CCDC63: variants seen among roughly 807,000 people sequenced by gnomAD.
CCDC63 encodes the protein coiled-coil domain-containing protein 63.
In CCDC63, 54 loss-of-function variants were observed where a neutral mutation model predicts 63.6. The ratio of observed to expected loss-of-function variants is 0.85; its 90% CI spans 0.68 to 1.07. The LOEUF is 1.07. Ranked by LOEUF, CCDC63 falls within the 50% of genes least tolerant of loss-of-function variation. CCDC63 has a pLI of 0.00. For synonymous variants in CCDC63, 253 were observed against 266.1 expected (o/e 0.95, Z 0.48); for missense variants, 637 against 689.6 (o/e 0.92, Z 0.86).
intron 4 of CCDC63, among the ~76,000 whole-genome samples, chr12:110,862,895 A>G (rs1446099931): frequency 6.6e-6 from 1 of 151,896 alleles, no homozygotes; most frequent in East Asian, 1.9e-4. Context: ...AGCTAAGATT[A>G]CAGGCACCCG....
intron 9 of CCDC63, among the ~76,000 whole-genome samples, chr12:110,897,769 G>A (rs1164777991): frequency 2.3e-5 from 3 of 130,450 alleles, no homozygotes; most frequent in African/African-American, 3.0e-5. Context: ...GTCTCGCTCT[G>A]TCACCCAGGC....
Position 110,899,041 on chromosome 12 carries a change from A to C in CCDC63, c.1258A>C (p.Lys420Gln). ...LKNSVEKLFK[K>Q]INCDATKILV... is the part of the protein sequence containing the mutation. ...GAACTCAGTGGAGAAACTGTTCAAG[A>C]AGATAAACTGTGACGCCACCAAGAT... Residue 420 changes from lysine to glutamine, a missense_variant, in exon 10 of 12, where the codon AAG (lysine) becomes CAG (glutamine). Lys to Gln is a moderately conservative substitution (Grantham distance 53). Coordinates refer to ENST00000308208, the MANE Select transcript of CCDC63 (RefSeq NM_152591.3). The C allele has an allele frequency of 3.1e-6, 5 of 1,613,976 alleles. No homozygotes were observed. The South Asian group carries it at 5.5e-5, about 18-fold the overall frequency.
intron 3 of CCDC63, 90 bp downstream of exon 3, chr12:110,853,664 T>G: frequency 6.8e-7 from 1 of 1,471,934 alleles, no homozygotes; most frequent in Middle Eastern, 1.7e-4. Context: ...CTGTGACCCC[T>G]GGGGCAGGGA....
chr12:110,867,610 TG>T (rs2070984873), intron 4 of CCDC63, among the ~76,000 whole-genome samples: 1 of 115,600 alleles, frequency 8.7e-6, no homozygotes, highest in Admixed American at 8.0e-5. Flanking sequence ...ACGGGGCGGC[TG>T]GCCGGGCAGA....
At chr12:110,871,550 CCCTT>C (rs1175444203) in intron 4 of CCDC63, among the ~76,000 whole-genome samples, 73 of 150,334 alleles carry the variant, frequency 4.9e-4, no homozygotes, top group Admixed American at 1.6e-3. Context: ...CTCCCTCCCT[CCCTT>C]CCTTCCTTCC....
In CCDC63 at chr12:110,873,869, A is replaced by C. The variant is rs2071097068; in HGVS notation, c.397A>C (p.Asn133His). The part of the protein sequence containing the change: ...KILQMEKKIA[N>H]QKQIFAKMQE... ...TCTTCAGATGGAAAAAAAAATCGCAAACCAAAAACAGATTTTCGCAAAAAT... is the reference window on the plus strand; with the variant it reads ...TCTTCAGATGGAAAAAAAAATCGCACACCAAAAACAGATTTTCGCAAAAAT... The change falls in exon 5 of 12, where the codon AAC (asparagine) becomes CAC (histidine). Residue 133 changes from asparagine to histidine, a missense_variant. By Grantham distance (68) the Asn-to-His change is moderately conservative (BLOSUM62 1). Transcript: ENST00000308208. 6.2e-7 allele frequency: 1 copy of C among 1,612,938 alleles called. No homozygotes were observed. Among genetic ancestry groups the C allele is most frequent in the Non-Finnish European group, 8.5e-7 (1 of 1,179,806 alleles).
upstream of CCDC63, chr12:110,846,744 T>C (rs566846632): frequency 7.2e-5 from 11 of 152,272 alleles, no homozygotes; most frequent in African/African-American, 2.6e-4. Context: ...CTAAGACTGT[T>C]GATTGACTCA....
At chr12:110,857,928 G>A (rs1008791504) in intron 3 of CCDC63, among the ~76,000 whole-genome samples, 11 of 151,954 alleles carry the variant, frequency 7.2e-5, no homozygotes, top group African/African-American at 2.2e-4. Context: ...CCAACATGGC[G>A]AAACCCGTCT....
chr12:110,866,196 T>G (rs1449460269), intron 4 of CCDC63, among the ~76,000 whole-genome samples: 1 of 152,170 alleles, frequency 6.6e-6, no homozygotes, highest in African/African-American at 2.4e-5. Context: ...CAGGCTTGTC[T>G]TGAACGTCTG....
intron 11 of CCDC63, among the ~76,000 whole-genome samples, chr12:110,906,035 T>C (rs1226887911): frequency 1.3e-4 from 4 of 31,684 alleles, no homozygotes; most frequent in African/African-American, 4.9e-4. Flanking sequence ...TATATTATAA[T>C]AATATAATAT....
At chr12:110,886,833 C>A (rs1249272177) in intron 8 of CCDC63, among the ~76,000 whole-genome samples, 2 of 152,166 alleles carry the variant, frequency 1.3e-5, no homozygotes, top group African/African-American at 4.8e-5. Flanking sequence ...CTCTGTCCCC[C>A]TCCCGGAAGG....
chr12:110,869,790 A>G (rs185900082), intron 4 of CCDC63, among the ~76,000 whole-genome samples: 60 of 152,312 alleles, frequency 3.9e-4, no homozygotes, highest in Middle Eastern at 3.4e-3. Flanking sequence ...GTCAGAGTCA[A>G]TTATCCTAAT....
intron 9 of CCDC63, among the ~76,000 whole-genome samples, chr12:110,896,381 G>A (rs980491277): frequency 5.9e-5 from 9 of 152,276 alleles, no homozygotes; most frequent in Admixed American, 3.3e-4. Context: ...TCTAGTAGCC[G>A]GGTGGAGGAA....
intron 8 of CCDC63, among the ~76,000 whole-genome samples, chr12:110,888,851 T>TTCCTTCCTTCCTTCCTTCCTTCCTTCCC (rs1260326953): frequency 1.2e-5 from 1 of 80,454 alleles, no homozygotes; most frequent in African/African-American, 4.0e-5. Context: ...CCTTCCTTCC[T>TTCCTTCCTTCCTTCCTTCCTTCCTTCCC]TCCTTCCTTC....
At chr12:110,867,998 T>G (rs1417625308) in intron 4 of CCDC63, among the ~76,000 whole-genome samples, 7 of 107,360 alleles carry the variant, frequency 6.5e-5, no homozygotes, top group South Asian at 3.1e-4. Context: ...AGGCAGAGGG[T>G]CTCCTCACTT....
chr12:110,867,621 A>G (rs2070985282), intron 4 of CCDC63, among the ~76,000 whole-genome samples: 3 of 118,480 alleles, frequency 2.5e-5, no homozygotes, highest in South Asian at 3.0e-4. Flanking sequence ...GGCCGGGCAG[A>G]GGGGCTCCTC....
intron 4 of CCDC63, among the ~76,000 whole-genome samples, chr12:110,863,791 T>C (rs2070898161): frequency 1.3e-5 from 2 of 152,228 alleles, no homozygotes; most frequent in Non-Finnish European, 2.9e-5. Context: ...TCTGCCCACC[T>C]CAGCCTCCTA....
At position 110,876,879 on chromosome 12, in the gene CCDC63, CA is replaced by C. The variant is rs57300765; in HGVS notation, c.489+2934del. Among the ~76,000 whole-genome samples, 730 of 110,886 alleles carry C rather than the reference CA, an allele frequency of 6.6e-3. 1 individual carries two copies. The highest frequency in any genetic ancestry group is 0.013 in the African/African-American group (417 of 31,298). The allele number at this position is 110,886 out of a possible 152,430, so 72.7% of individuals were successfully genotyped here. On this transcript the variant is annotated intron_variant, in intron 5 of 11. Coordinates refer to ENST00000308208, the MANE Select transcript of CCDC63 (RefSeq NM_152591.3). ...TGAAACTCTGTCTCTACTAAAAATA[CA>C]AAAAAAAAAAAAAAATAGCTGAGTG...
At chr12:110,867,756 C>A (rs1295200774) in intron 4 of CCDC63, among the ~76,000 whole-genome samples, 1 of 132,900 alleles carries the variant, frequency 7.5e-6, no homozygotes, top group Non-Finnish European at 1.6e-5. Flanking sequence ...GGGGGGCTGA[C>A]CCCCCCATCT....
Sources: allele counts gnomAD v4.1 joint callset (sites outside exome capture counted in the v4.1 genomes callset), GRCh38; gene constraint gnomAD v4.1.1; transcripts MANE v1.5; gene names NCBI Gene and HGNC (gene_info 2026-07-23, HGNC 2026-07-21).